Variants in NPTN observed in about 807,000 individuals in gnomAD.
NPTN encodes the protein SDR-1.
NPTN carries 5 observed loss-of-function variants against 42.7 expected under a neutral mutation model. That is an observed-to-expected ratio of 0.12 (90% confidence interval 0.06 to 0.25). The LOEUF is 0.25. Ranked by LOEUF, NPTN falls within the 10% of genes least tolerant of loss-of-function variation. The probability of loss-of-function intolerance (pLI) is 1.00; values close to 1 mark genes in which losing one functional copy is unlikely to be tolerated. For missense variants in NPTN, 307 were observed against 525.4 expected (o/e 0.58, Z 4.06); for synonymous variants, 180 against 201.9 (o/e 0.89, Z 0.92).
intron 6 of NPTN, chr15:73,563,653 T>C (rs751670659): frequency 1.4e-4 from 109 of 803,842 alleles, no homozygotes; most frequent in Non-Finnish European, 1.6e-4. Flanking sequence ...TTGTGGTGAA[T>C]GCATGCAGTT....
intron 6 of NPTN, 180 bp from the exon 7 acceptor site, chr15:73,563,437 C>A (rs1894807330): frequency 2.5e-5 from 34 of 1,387,230 alleles, no homozygotes; most frequent in Non-Finnish European, 3.2e-5. Context: ...GTTATTATTT[C>A]TAGATTCAAG....
chr15:73,574,526 T>C (rs945755876), intron 4 of NPTN, among the ~76,000 whole-genome samples: 3 of 152,144 alleles, frequency 2.0e-5, no homozygotes, highest in African/African-American at 7.2e-5. Context: ...GCTTAAGTGA[T>C]CCTCAGCTCC....
At position 73,620,135 on chromosome 15, in the gene NPTN, T is replaced by C. The variant is rs993236659; in HGVS notation, c.91+12990A>G. On this transcript the variant is annotated intron_variant, in intron 1 of 8. Transcript: ENST00000345330. The stretch of plus-strand genomic sequence containing the variant: ...ATAATTTTATTTCATCAGCACAGTG[T>C]TTTTAAATCCAACTTTCAGTGTTTT... 9.9e-5 allele frequency among the ~76,000 whole-genome samples: 15 copies of C among 152,220 alleles called. 1 individual carries two copies. Among genetic ancestry groups the C allele is most frequent in the Admixed American group, 9.2e-4 (14 of 15,284 alleles).
In NPTN at chr15:73,569,627, A is replaced by G. The variant is rs762675489; in HGVS notation, c.1114+523T>C. 15 of 985,358 alleles carry G rather than the reference A, an allele frequency of 1.5e-5. No homozygotes were observed. In the African/African-American group the frequency reaches 2.3e-4, roughly 15 times the overall value. 61.0% of individuals were successfully genotyped at this position (985,358 alleles called of 1,614,324 possible). ...AGGAACCAAAAGCTGGCTTGTTCCA[A>G]TGGCTTTTCTGAGAACAGTCTGACT... On this transcript the variant is annotated intron_variant, in intron 6 of 8. Coordinates refer to ENST00000345330, the MANE Select transcript of NPTN (RefSeq NM_012428.4). This position sits in a 1 kb window ranked among gnomAD's most constrained non-coding sequence, Gnocchi z 4.1.
chr15:73,565,905 G>A (rs1220075155), intron 6 of NPTN: 2 of 408,278 alleles, frequency 4.9e-6, no homozygotes, highest in African/African-American at 4.1e-5. Context: ...ATAACGGATT[G>A]CCTAATACAA....
In NPTN at chr15:73,597,173, G is replaced by A. The variant is rs1355536075; in HGVS notation, c.288C>T (p.Asn96=). The change falls in exon 2 of 9, where the codon AAC becomes AAT. Residue 96 remains asparagine, a synonymous_variant. Transcript: ENST00000345330. The surrounding 1 kb of genome is among the most constrained non-coding windows in gnomAD (Gnocchi z 6.3). The part of the protein sequence containing the change: ...RVTVNTAYGS[N]GVSVLRITRL... Reference sequence around the variant, plus strand: ...GGGTTATTCTCAGCACACTCACGCCGTTTGACCCGTAGGCGGTGTTTACGG... The same window carrying A: ...GGGTTATTCTCAGCACACTCACGCCATTTGACCCGTAGGCGGTGTTTACGG... 3 of 1,614,032 alleles carry A rather than the reference G, an allele frequency of 1.9e-6. No individual in the cohort carries two copies. Among genetic ancestry groups the A allele is most frequent in the South Asian group, 1.1e-5 (1 of 91,086 alleles).
chr15:73,567,554 G>A (rs991828342), intron 6 of NPTN: 2 of 985,306 alleles, frequency 2.0e-6, no homozygotes, highest in Non-Finnish European at 2.4e-6. Flanking sequence ...GGAGTGCACA[G>A]GGGTTGAGGG....
intron 1 of NPTN, among the ~76,000 whole-genome samples, chr15:73,601,573 C>T (rs2141417446): frequency 6.6e-6 from 1 of 152,296 alleles, no homozygotes; most frequent in African/African-American, 2.4e-5. Context: ...AACAAGAAAG[C>T]ACACACTGCC....
chr15:73,624,694 T>G (rs1898309800), intron 1 of NPTN, among the ~76,000 whole-genome samples: 1 of 152,184 alleles, frequency 6.6e-6, no homozygotes, highest in Non-Finnish European at 1.5e-5. Flanking sequence ...TCTCTCTCTC[T>G]TCCCTTGGCC....
intron 4 of NPTN, 94 bp from the exon 5 acceptor site, chr15:73,573,889 TA>T: frequency 6.8e-7 from 1 of 1,470,616 alleles, no homozygotes; most frequent in Non-Finnish European, 9.2e-7. Context: ...GCTTGTAATG[TA>T]GTCAGTCTTT....
intron 1 of NPTN, among the ~76,000 whole-genome samples, chr15:73,602,215 C>G (rs942893070): frequency 1.3e-5 from 2 of 152,198 alleles, no homozygotes; most frequent in African/African-American, 4.8e-5. Flanking sequence ...CTTTCTCTCT[C>G]CCTCAACTGA....
intron 1 of NPTN, among the ~76,000 whole-genome samples, chr15:73,617,251 G>A (rs1897907105): frequency 6.6e-6 from 1 of 152,166 alleles, no homozygotes; most frequent in Admixed American, 6.5e-5. Context: ...TAAAAAGCAG[G>A]AATATCAAGG....
Position 73,569,281 on chromosome 15 carries a change from C to T in NPTN, c.1114+869G>A, listed in dbSNP as rs371323570. On this transcript the variant is annotated intron_variant, in intron 6 of 8. Coordinates refer to ENST00000345330, the MANE Select transcript of NPTN (RefSeq NM_012428.4). The surrounding 1 kb of genome is among the most constrained non-coding windows in gnomAD (Gnocchi z 4.1). ...GATACAAGTCTCCATCAGCAGCTTC[C>T]CCCTTCACAGGAAAAATCGATCACC... is the stretch of plus-strand genomic sequence containing the variant. 4.1e-5 allele frequency: 40 copies of T among 985,548 alleles called. No homozygotes were observed. In the South Asian group the frequency reaches 1.7e-3, roughly 43 times the overall value. 61.1% of individuals were successfully genotyped at this position (985,548 alleles called of 1,614,324 possible).
intron 2 of NPTN, 57 bp from the exon 3 acceptor site, chr15:73,592,194 G>T: frequency 6.7e-7 from 1 of 1,497,754 alleles, no homozygotes; most frequent in Non-Finnish European, 9.1e-7. Flanking sequence ...CTGTAGCCCT[G>T]GCCTGAGAGT....
intron 6 of NPTN, among the ~76,000 whole-genome samples, chr15:73,564,821 CTT>C (rs1894886575): frequency 6.6e-6 from 1 of 152,200 alleles, no homozygotes; most frequent in Non-Finnish European, 1.5e-5. Context: ...ACTTGGAATA[CTT>C]TTAGTGCTCT....
Position 73,569,538 on chromosome 15 carries a change from T to C in NPTN, c.1114+612A>G, listed in dbSNP as rs1895246201. ...TGGATACATCAGACTCTCCTTTGTC[T>C]GTGAGACACAGATGGAAAGCCACCC... On this transcript the variant is annotated intron_variant, in intron 6 of 8. Transcript: ENST00000345330. This position sits in a 1 kb window ranked among gnomAD's most constrained non-coding sequence, Gnocchi z 4.1. 1 of 985,350 alleles carries C rather than the reference T, an allele frequency of 1.0e-6. No individual in the cohort carries two copies. Among genetic ancestry groups the C allele is most frequent in the Non-Finnish European group, 1.2e-6 (1 of 829,950 alleles). The allele number at this position is 985,350 out of a possible 1,614,324, so 61.0% of individuals were successfully genotyped here.
Position 73,633,326 on chromosome 15 carries a change from A to G in NPTN, c.-111T>C, listed in dbSNP as rs975256756. 6 of 802,028 alleles carry G rather than the reference A, an allele frequency of 7.5e-6. No homozygotes were observed. The highest frequency in any genetic ancestry group is 1.8e-5 in the African/African-American group (1 of 55,580). The allele number at this position is 802,028 out of a possible 1,614,324, so 49.7% of individuals were successfully genotyped here. A position where few individuals can be genotyped will look rare whatever the true frequency, so the allele number is the denominator to read the frequency against. The stretch of plus-strand genomic sequence containing the variant: ...GAGTGCGCGAGGGAGTGAGCGAGGG[A>G]GGCAGCCGCGGCTCGGCTCCGTCCT... On this transcript the variant is annotated 5_prime_UTR_variant, in exon 1 of 9. Coordinates refer to ENST00000345330, the MANE Select transcript of NPTN (RefSeq NM_012428.4).
intron 5 of NPTN, among the ~76,000 whole-genome samples, chr15:73,572,488 G>A (rs140309721): frequency 3.9e-5 from 6 of 152,304 alleles, no homozygotes; most frequent in Admixed American, 2.0e-4. Flanking sequence ...GGCAAATACC[G>A]TCAGGTTCCC....
intron 1 of NPTN, among the ~76,000 whole-genome samples, chr15:73,605,658 G>GC (rs150869383): frequency 0.11 from 16,969 of 151,606 alleles, 1,247 homozygotes; most frequent in African/African-American, 0.21. Flanking sequence ...AACCCAGGAG[G>GC]GGAGGTTGCG....
Sources: allele counts gnomAD v4.1 joint callset (sites outside exome capture counted in the v4.1 genomes callset), GRCh38; gene constraint gnomAD v4.1.1; non-coding constraint Gnocchi (gnomAD v3.1); transcripts MANE v1.5; gene names NCBI Gene and HGNC (gene_info 2026-07-23, HGNC 2026-07-21).